CHST9: variants seen among roughly 807,000 people sequenced by gnomAD.
CHST9 encodes the protein carbohydrate sulfotransferase 9, also known as GalNAc-4-sulfotransferase 2.
CHST9 carries 41 observed loss-of-function variants against 44.4 expected under a neutral mutation model. That is an observed-to-expected ratio of 0.92 (90% confidence interval 0.72 to 1.20). The LOEUF is 1.20. Among genes scored for constraint, CHST9 ranks in the 50% most tolerant of loss-of-function variants. The pLI, the probability that CHST9 is intolerant of heterozygous loss-of-function variation, is 0.00. For synonymous variants in CHST9, 171 were observed against 178.4 expected (o/e 0.96, Z 0.33); for missense variants, 504 against 516.5 (o/e 0.98, Z 0.23).
intron 4 of CHST9, among the ~76,000 whole-genome samples, chr18:26,964,997 T>C (rs2056446551): frequency 6.6e-6 from 1 of 152,092 alleles, no homozygotes; most frequent in Non-Finnish European, 1.5e-5. Flanking sequence ...AATAAGAGGG[T>C]TTCCTCTGCT....
At chr18:27,053,603 G>A (rs939700739) in intron 2 of CHST9, among the ~76,000 whole-genome samples, 1 of 152,058 alleles carries the variant, frequency 6.6e-6, no homozygotes, top group African/African-American at 2.4e-5. Flanking sequence ...TTGTTTGTTG[G>A]TTTTTTCTGT....
intron 1 of CHST9, among the ~76,000 whole-genome samples, chr18:27,152,920 A>G (rs1038549498): frequency 6.6e-6 from 1 of 152,182 alleles, no homozygotes; most frequent in African/African-American, 2.4e-5. Context: ...TAGCAACTCA[A>G]ATGAGATGAT....
intron 1 of CHST9, among the ~76,000 whole-genome samples, chr18:27,169,899 G>A (rs1030590413): frequency 1.1e-4 from 17 of 152,088 alleles, no homozygotes; most frequent in East Asian, 3.9e-4. Context: ...GAGCCACTGC[G>A]CCTGGCCAGA....
At chr18:27,062,111 C>T (rs1381389304) in intron 2 of CHST9, among the ~76,000 whole-genome samples, 3 of 152,106 alleles carry the variant, frequency 2.0e-5, no homozygotes, top group Non-Finnish European at 4.4e-5. Flanking sequence ...CAGCGTTCCT[C>T]CTATCTAATA....
intron 3 of CHST9, among the ~76,000 whole-genome samples, chr18:27,032,332 G>A (rs1276227013): frequency 6.6e-6 from 1 of 152,118 alleles, no homozygotes; most frequent in Non-Finnish European, 1.5e-5. Flanking sequence ...AACACACAGA[G>A]ACATACACCT....
chr18:27,057,214 T>A (rs1451664044), intron 2 of CHST9, among the ~76,000 whole-genome samples: 4 of 152,214 alleles, frequency 2.6e-5, no homozygotes, highest in Non-Finnish European at 5.9e-5. Context: ...GATAGGTAAA[T>A]GCTATCTTTC....
At chr18:27,178,117 T>C (rs925727534) in intron 1 of CHST9, among the ~76,000 whole-genome samples, 4 of 151,974 alleles carry the variant, frequency 2.6e-5, no homozygotes, top group Admixed American at 2.6e-4. Context: ...AAGCTTCCAG[T>C]AAGAATGAAC....
intron 1 of CHST9, among the ~76,000 whole-genome samples, chr18:27,175,970 G>C (rs1311013537): frequency 6.6e-6 from 1 of 152,032 alleles, no homozygotes; most frequent in Non-Finnish European, 1.5e-5. Context: ...TGGTTCATTT[G>C]AGGAAGTGAC....
At chr18:27,128,871 T>C (rs761601906) in intron 2 of CHST9, among the ~76,000 whole-genome samples, 6 of 152,206 alleles carry the variant, frequency 3.9e-5, no homozygotes, top group Non-Finnish European at 7.3e-5. Flanking sequence ...TCTGATACAT[T>C]GTGAATCATG....
chr18:27,135,269 A>G (rs1305942823), intron 2 of CHST9, among the ~76,000 whole-genome samples: 2 of 152,206 alleles, frequency 1.3e-5, no homozygotes, highest in Admixed American at 6.5e-5. Flanking sequence ...ATTGGGAACA[A>G]ATACTTGTTT....
At chr18:26,923,234 GGA>G (rs1344425015) in intron 5 of CHST9, among the ~76,000 whole-genome samples, 9 of 152,208 alleles carry the variant, frequency 5.9e-5, no homozygotes, top group African/African-American at 1.7e-4. Flanking sequence ...TTGGAAGCTG[GGA>G]GAGCAGAAAT....
intron 4 of CHST9, among the ~76,000 whole-genome samples, chr18:27,009,614 A>G (rs1167291849): frequency 6.6e-6 from 1 of 152,240 alleles, no homozygotes; most frequent in African/African-American, 2.4e-5. Context: ...TTTCTGACAC[A>G]TGGCATGCAA....
At chr18:27,099,626 A>C (rs566497813) in intron 2 of CHST9, among the ~76,000 whole-genome samples, 12 of 152,266 alleles carry the variant, frequency 7.9e-5, no homozygotes, top group African/African-American at 2.6e-4. Context: ...CCACATCATC[A>C]ATCACAAGAG....
intron 4 of CHST9, among the ~76,000 whole-genome samples, chr18:26,980,844 T>C (rs776301892): frequency 6.6e-6 from 1 of 152,214 alleles, no homozygotes; most frequent in Non-Finnish European, 1.5e-5. Flanking sequence ...GATTATTTCC[T>C]AGCAACCCAT....
intron 1 of CHST9, among the ~76,000 whole-genome samples, chr18:27,170,699 C>CT (rs1491173998): frequency 2.6e-5 from 4 of 152,058 alleles, no homozygotes; most frequent in South Asian, 4.2e-4. Context: ...ACTCTGCCTC[C>CT]TTTTTTTGAA....
chr18:27,052,230 A>ATG (rs1454586783), intron 2 of CHST9, among the ~76,000 whole-genome samples: 1 of 151,126 alleles, frequency 6.6e-6, no homozygotes, highest in East Asian at 1.9e-4. Context: ...ATATATATGT[A>ATG]TGTGTGTATA....
rs1003063279 is a variant in CHST9, at chr18:27,044,066, C to A, written c.160+4399G>T. Among the ~76,000 whole-genome samples, 5 of 151,790 alleles carry A rather than the reference C, an allele frequency of 3.3e-5. No homozygotes were observed. In the East Asian group the frequency reaches 9.7e-4, roughly 30 times the overall value. ...CCTTTGGACAGCGAGCCCTTCCCCC[C>A]CCTTTATTTTAACCTGGTAAACTAC... is the stretch of plus-strand genomic sequence containing the variant. On this transcript the variant is annotated intron_variant, in intron 3 of 5. Transcript: ENST00000618847.
chr18:27,053,204 G>GA (rs2057598215), intron 2 of CHST9, among the ~76,000 whole-genome samples: 1 of 115,294 alleles, frequency 8.7e-6, no homozygotes, highest in Non-Finnish European at 1.8e-5. Flanking sequence ...GAAAGAACAA[G>GA]AAGAGGAGGA....
intron 1 of CHST9, among the ~76,000 whole-genome samples, chr18:27,164,735 T>A (rs1313614680): frequency 6.6e-6 from 1 of 152,062 alleles, no homozygotes; most frequent in East Asian, 1.9e-4. Flanking sequence ...AACAAACAGA[T>A]CACATGAGGA....
Sources: gnomAD v4.1 joint callset for allele counts (sites outside exome capture counted in the v4.1 genomes callset) on GRCh38, gnomAD v4.1.1 for gene constraint, MANE v1.5 for transcripts, NCBI Gene and HGNC (gene_info 2026-07-23, HGNC 2026-07-21) for gene names.